The following CNTNAP2 variants were observed in gnomAD, a reference collection of about 807,000 sequenced individuals.
The protein encoded by CNTNAP2 is contactin-associated protein-like 2.
A neutral mutation model predicts 155.2 loss-of-function variants in CNTNAP2; 98 were observed. The ratio of observed to expected loss-of-function variants is 0.63; its 90% CI spans 0.54 to 0.75. The LOEUF (loss-of-function observed/expected upper bound fraction) is 0.75, where lower values mean the gene tolerates loss of function less well. Among genes scored for constraint, CNTNAP2 ranks in the 30% least tolerant of loss-of-function variants. CNTNAP2 has a pLI of 0.00. For synonymous variants in CNTNAP2, 651 were observed against 631.2 expected (o/e 1.03, Z -0.47); for missense variants, 1,727 against 1,688.1 (o/e 1.02, Z -0.40).
At chr7:147,483,917 G>T (rs1023219011) in intron 10 of CNTNAP2, among the ~76,000 whole-genome samples, 2 of 152,144 alleles carry the variant, frequency 1.3e-5, no homozygotes, top group Non-Finnish European at 2.9e-5. Flanking sequence ...CTCCTTATCA[G>T]TGCTTTTCTC....
At chr7:148,086,306 T>G (rs1803728570) in intron 15 of CNTNAP2, among the ~76,000 whole-genome samples, 1 of 152,208 alleles carries the variant, frequency 6.6e-6, no homozygotes, top group Non-Finnish European at 1.5e-5. Flanking sequence ...TAATATACAT[T>G]TATTTAAACA....
intron 14 of CNTNAP2, among the ~76,000 whole-genome samples, chr7:147,947,976 C>G (rs981229654): frequency 6.6e-6 from 1 of 151,910 alleles, no homozygotes; most frequent in Non-Finnish European, 1.5e-5. Context: ...GGCCTAATTA[C>G]CAATAACCAA....
chr7:146,973,711 A>G (rs1379383600), intron 3 of CNTNAP2, among the ~76,000 whole-genome samples: 2 of 152,220 alleles, frequency 1.3e-5, no homozygotes, highest in Non-Finnish European at 2.9e-5. Context: ...AATTATAGTT[A>G]ATATGAATGG....
chr7:148,016,789 C>T (rs751949339), intron 15 of CNTNAP2, among the ~76,000 whole-genome samples: 1 of 152,068 alleles, frequency 6.6e-6, no homozygotes, highest in Non-Finnish European at 1.5e-5. Flanking sequence ...TTTTCATGCT[C>T]TTAGGTCCTA....
intron 13 of CNTNAP2, among the ~76,000 whole-genome samples, chr7:147,827,738 G>A (rs1459668413): frequency 6.6e-6 from 1 of 152,178 alleles, no homozygotes; most frequent in African/African-American, 2.4e-5. Context: ...AAAAAGGTAG[G>A]AAGGAGATGA....
chr7:148,229,597 A>T, intron 19 of CNTNAP2, 49 bp from the exon 20 acceptor site: 1 of 1,608,708 alleles, frequency 6.2e-7, no homozygotes, highest in Non-Finnish European at 8.5e-7. Flanking sequence ...TGACATTAAA[A>T]TGAAATTTAG....
At chr7:146,454,508 A>G (rs1420110052) in intron 1 of CNTNAP2, among the ~76,000 whole-genome samples, 1 of 152,030 alleles carries the variant, frequency 6.6e-6, no homozygotes, top group Non-Finnish European at 1.5e-5. Flanking sequence ...GTGTGAATCC[A>G]TTTACTTAAT....
intron 1 of CNTNAP2, among the ~76,000 whole-genome samples, chr7:146,505,314 G>A (rs1797367105): frequency 1.3e-5 from 2 of 152,158 alleles, no homozygotes; most frequent in South Asian, 2.1e-4. Flanking sequence ...GTCAACCTAT[G>A]GTCTAAATGA....
At chr7:147,325,539 TA>T (rs1344051081) in intron 9 of CNTNAP2, among the ~76,000 whole-genome samples, 2 of 152,280 alleles carry the variant, frequency 1.3e-5, no homozygotes, top group East Asian at 3.9e-4. Flanking sequence ...TTGCTTTATT[TA>T]CAAAGAACTG....
chr7:146,342,325 A>G (rs946306016), intron 1 of CNTNAP2, among the ~76,000 whole-genome samples: 1 of 152,310 alleles, frequency 6.6e-6, no homozygotes, highest in East Asian at 1.9e-4. Context: ...CTGCTCGTAC[A>G]TAATTGCAAA....
intron 3 of CNTNAP2, among the ~76,000 whole-genome samples, chr7:146,919,738 G>A (rs965642347): frequency 9.9e-5 from 15 of 152,276 alleles, no homozygotes; most frequent in African/African-American, 2.6e-4. Context: ...AGTGGGCGGG[G>A]CATACAGCTC....
intron 9 of CNTNAP2, among the ~76,000 whole-genome samples, chr7:147,383,308 T>C (rs1477885214): frequency 6.6e-6 from 1 of 152,166 alleles, no homozygotes; most frequent in Non-Finnish European, 1.5e-5. Context: ...TGGAAACCAA[T>C]ATATATTATG....
At position 147,167,720 on chromosome 7, in the gene CNTNAP2, G is replaced by A. The variant is rs767104250; in HGVS notation, c.1348+35211G>A. ...TCATCTGTGGGATGCTGAAGGAGAT[G>A]AGTGGGCTTCGGAGTGAATGTGGCA... is the stretch of plus-strand genomic sequence containing the variant. On this transcript the variant is annotated intron_variant, in intron 8 of 23. Coordinates refer to ENST00000361727, the MANE Select transcript of CNTNAP2 (RefSeq NM_014141.6). 18 of 306,808 alleles carry A rather than the reference G, an allele frequency of 5.9e-5. 1 individual carries two copies. The highest frequency in any genetic ancestry group is 8.9e-5 in the Non-Finnish European group (15 of 167,770). The allele number at this position is 306,808 out of a possible 1,614,324, so 19.0% of individuals were successfully genotyped here.
intron 21 of CNTNAP2, among the ~76,000 whole-genome samples, chr7:148,369,377 A>G (rs1431666238): frequency 6.6e-6 from 1 of 151,148 alleles, no homozygotes; most frequent in Admixed American, 6.6e-5. Context: ...TTGTGCCACT[A>G]CACCCGGCTA....
intron 1 of CNTNAP2, among the ~76,000 whole-genome samples, chr7:146,754,972 A>G (rs1585074937): frequency 6.6e-6 from 1 of 151,918 alleles, no homozygotes. Flanking sequence ...CCTGCTTCAA[A>G]TTTTTTAAAG....
chr7:148,311,381 G>A (rs988501024), intron 21 of CNTNAP2, among the ~76,000 whole-genome samples: 7 of 152,148 alleles, frequency 4.6e-5, no homozygotes, highest in Non-Finnish European at 1.0e-4. Context: ...GAAACGGCTA[G>A]GAGAGAATGA....
chr7:146,163,683 G>T (rs1798267920), intron 1 of CNTNAP2, among the ~76,000 whole-genome samples: 1 of 149,786 alleles, frequency 6.7e-6, no homozygotes. Context: ...GGGACGGGGA[G>T]GTAGCAGTGA....
At chr7:147,591,802 C>T (rs1018339009) in intron 12 of CNTNAP2, among the ~76,000 whole-genome samples, 19 of 152,124 alleles carry the variant, frequency 1.2e-4, no homozygotes, top group African/African-American at 4.6e-4. Context: ...CCATCTGCAT[C>T]CCTGTTCTTC....
intron 15 of CNTNAP2, among the ~76,000 whole-genome samples, chr7:148,096,276 T>C (rs1339642674): frequency 1.6e-5 from 2 of 128,554 alleles, no homozygotes; most frequent in Non-Finnish European, 3.2e-5. Flanking sequence ...CGTGCATGCA[T>C]GCATGTGTGT....
Sources: gnomAD v4.1 joint callset for allele counts (sites outside exome capture counted in the v4.1 genomes callset) on GRCh38, gnomAD v4.1.1 for gene constraint, MANE v1.5 for transcripts, NCBI Gene and HGNC (gene_info 2026-07-23, HGNC 2026-07-21) for gene names.